NUP98: variants seen among roughly 807,000 people sequenced by gnomAD.
The protein encoded by NUP98 is nuclear pore complex protein Nup98-Nup96.
Under a neutral mutation model 191.9 loss-of-function variants are expected in NUP98, and 26 were observed. The observed-to-expected ratio is 0.14, with a 90% CI of 0.10 to 0.19. NUP98 has a LOEUF of 0.19. Among genes scored for constraint, NUP98 ranks in the 10% least tolerant of loss-of-function variants. The pLI is 1.00. For missense variants in NUP98, 1,941 were observed against 2,178.8 expected, an observed-to-expected ratio of 0.89 and a Z score of 2.17; for synonymous variants, 808 against 778.4, an observed-to-expected ratio of 1.04 and a Z score of -0.63.
rs751865593 is a variant in NUP98 at position 3,679,661 on chromosome 11, C to T, written c.4966G>A (p.Asp1656Asn). The T allele has an allele frequency of 6.2e-7, 1 of 1,614,158 alleles. No homozygotes were observed. The highest frequency in any genetic ancestry group is 8.5e-7 in the Non-Finnish European group (1 of 1,180,006). ...NYDYLKGFLE[D>N]LAPPERSSLI... ...CTGCTGCGCTCTGGAGGTGCCAGGT[C>T]TTCCAAGAACCCCTTCAGGTAGTCA... The change falls in exon 31 of 33, where the codon GAC becomes AAC. Residue 1656 changes from aspartate to asparagine, a missense_variant. Asp to Asn is a conservative substitution (Grantham distance 23, BLOSUM62 1). Coordinates refer to ENST00000324932, the MANE Select transcript of NUP98 (RefSeq NM_016320.5).
chr11:3,737,828 C>T (rs946138960), intron 12 of NUP98, among the ~76,000 whole-genome samples: 11 of 151,842 alleles, frequency 7.2e-5, no homozygotes, highest in Non-Finnish European at 1.5e-4. Flanking sequence ...AGTAAATCAT[C>T]TGTATTCAGA....
chr11:3,758,597 C>G (rs1431434170), intron 10 of NUP98, among the ~76,000 whole-genome samples: 1 of 152,078 alleles, frequency 6.6e-6, no homozygotes, highest in Non-Finnish European at 1.5e-5. Context: ...CCAGCCTCGC[C>G]AACACGGTGA....
At position 3,679,689 on chromosome 11, in the gene NUP98, G is replaced by T. The variant is rs1460591546; in HGVS notation, c.4938C>A (p.Asn1646Lys). Residue 1646 changes from asparagine to lysine, a missense_variant, in exon 31 of 33, where the codon AAC becomes AAA. By Grantham distance (94) the Asn-to-Lys change is moderately conservative. This residue lies in a region of NUP98 where 1,030 missense variants were observed against 1,115.8 expected (regional missense o/e 0.92). Transcript: ENST00000324932. ...CCAAGAACCCCTTCAGGTAGTCATA[G>T]TTCTCATTAATGATGGCATCTGAAG... ...HLASDAIINE[N>K]YDYLKGFLED... 1 of 1,613,892 alleles carries T rather than the reference G, an allele frequency of 6.2e-7. No homozygotes were observed. Among genetic ancestry groups the T allele is most frequent in the Non-Finnish European group, 8.5e-7 (1 of 1,179,914 alleles).
intron 12 of NUP98, among the ~76,000 whole-genome samples, chr11:3,740,637 A>T (rs2134347953): frequency 6.6e-6 from 1 of 152,158 alleles, no homozygotes; most frequent in Non-Finnish European, 1.5e-5. Flanking sequence ...AAAAAGGAGA[A>T]GGGCAACTAC....
chr11:3,679,884 A>G, intron 30 of NUP98, 176 bp from the exon 31 acceptor site: 1 of 645,018 alleles, frequency 1.6e-6, no homozygotes, highest in Non-Finnish European at 2.6e-6. Flanking sequence ...GACCACCACA[A>G]TAAAGCAGGT....
At chr11:3,770,098 G>A (rs950566233) in intron 7 of NUP98, among the ~76,000 whole-genome samples, 9 of 149,664 alleles carry the variant, frequency 6.0e-5, no homozygotes, top group African/African-American at 1.7e-4. Flanking sequence ...TAATCCCAGC[G>A]CTTTGGGAGG....
chr11:3,749,056 C>T (rs1228871512), intron 11 of NUP98, among the ~76,000 whole-genome samples: 2 of 151,958 alleles, frequency 1.3e-5, no homozygotes, highest in Non-Finnish European at 2.9e-5. Flanking sequence ...CGCCTGTAAT[C>T]CCAGCACTTT....
At chr11:3,767,332 T>C (rs1245390545) in intron 8 of NUP98, among the ~76,000 whole-genome samples, 2 of 151,896 alleles carry the variant, frequency 1.3e-5, no homozygotes, top group East Asian at 3.9e-4. Context: ...CATACTTTTT[T>C]TTTTATTTTT....
chr11:3,725,270 A>G (rs1589815208), intron 14 of NUP98, 51 bp from the exon 15 acceptor site: 2 of 822,602 alleles, frequency 2.4e-6, no homozygotes, highest in East Asian at 2.4e-5. Flanking sequence ...AGGCATACAG[A>G]TATGTCCCAG....
chr11:3,684,230 AAAC>A (rs1360349848), intron 29 of NUP98, among the ~76,000 whole-genome samples: 1 of 151,850 alleles, frequency 6.6e-6, no homozygotes, highest in African/African-American at 2.4e-5. Flanking sequence ...AAACAAAACA[AAAC>A]AAACACATAG....
intron 2 of NUP98, among the ~76,000 whole-genome samples, chr11:3,781,791 G>T (rs1052543076): frequency 6.6e-6 from 1 of 151,986 alleles, no homozygotes; most frequent in African/African-American, 2.4e-5. Context: ...ATAACTTTCT[G>T]TCAACCAAAA....
At chr11:3,707,731 T>G (rs1379742099) in intron 20 of NUP98, among the ~76,000 whole-genome samples, 1 of 5,634 alleles carries the variant, frequency 1.8e-4, no homozygotes, top group Non-Finnish European at 2.9e-4. Context: ...AGAATGAGAC[T>G]CTGTCTCAAA....
In NUP98 at chr11:3,731,376, C is replaced by A. The variant is rs769589170; in HGVS notation, c.1730+15G>T. ...GTATTTTACACTTAATTTCTGTTAACAAAAATAAACTCACTTGGGCATGAA... is the reference window on the plus strand; with the variant it reads ...GTATTTTACACTTAATTTCTGTTAAAAAAAATAAACTCACTTGGGCATGAA... On this transcript the variant is annotated intron_variant, in intron 14 of 32. Transcript: ENST00000324932. 1 of 1,489,452 alleles carries A rather than the reference C, an allele frequency of 6.7e-7. No homozygotes were observed. Among genetic ancestry groups the A allele is most frequent in the Non-Finnish European group, 9.0e-7 (1 of 1,114,064 alleles). The allele number at this position is 1,489,452 out of a possible 1,614,324, so 92.3% of individuals were successfully genotyped here.
In NUP98 at chr11:3,675,863, T is replaced by TGG. The variant is rs1163282344; in HGVS notation, c.*294_*295dup. 4.4e-6 allele frequency: 2 copies of TGG among 450,824 alleles called. No homozygotes were observed. Among genetic ancestry groups the TGG allele is most frequent in the East Asian group, 7.9e-5 (2 of 25,468 alleles). The allele number at this position is 450,824 out of a possible 1,614,324, so 27.9% of individuals were successfully genotyped here. The stretch of plus-strand genomic sequence containing the variant: ...GGCTAGGGATGGAAAAAGAATACCC[T>TGG]GGTTCTTTGGGGGATTCTGCCAAAG... On this transcript the variant is annotated 3_prime_UTR_variant, in exon 33 of 33. Transcript: ENST00000324932.
At chr11:3,792,635 A>G (rs1564940897) in intron 1 of NUP98, among the ~76,000 whole-genome samples, 1 of 150,740 alleles carries the variant, frequency 6.6e-6, no homozygotes, top group Non-Finnish European at 1.5e-5. Context: ...AAACAAACAA[A>G]AAAACAACAA....
intron 1 of NUP98, among the ~76,000 whole-genome samples, chr11:3,790,892 A>T: frequency 7.1e-6 from 1 of 140,414 alleles, no homozygotes; most frequent in Admixed American, 6.7e-5. Flanking sequence ...ATGGAACACC[A>T]TTTTAATTTT....
rs562946538 is a variant in NUP98 at position 3,757,105 on chromosome 11, A to C, written c.1174+3434T>G. Reference sequence around the variant, plus strand: ...TCCATCTCAAAAAAAAAATATATATATATATCTATATATCTATATCTATAT... The same window carrying C: ...TCCATCTCAAAAAAAAAATATATATCTATATCTATATATCTATATCTATAT... On this transcript the variant is annotated intron_variant, in intron 10 of 32. Transcript: ENST00000324932. 4.6e-3 allele frequency among the ~76,000 whole-genome samples: 614 copies of C among 134,916 alleles called. 3 individuals carry two copies. Among genetic ancestry groups the C allele is most frequent in the African/African-American group, 0.017 (573 of 33,842 alleles). 88.5% of individuals were successfully genotyped at this position (134,916 alleles called of 152,430 possible). A position where few individuals can be genotyped will look rare whatever the true frequency, so the allele number is the denominator to read the frequency against.
chr11:3,793,511 C>T (rs1281286954), intron 1 of NUP98, among the ~76,000 whole-genome samples: 1 of 152,010 alleles, frequency 6.6e-6, no homozygotes, highest in Admixed American at 6.6e-5. Flanking sequence ...TGGTCTCAAA[C>T]TCCTAACCTT....
intron 14 of NUP98, among the ~76,000 whole-genome samples, chr11:3,730,661 G>A (rs942652569): frequency 9.2e-5 from 14 of 152,048 alleles, no homozygotes. Flanking sequence ...ACCATGCCCG[G>A]CCGGATTACT....
Sources: allele counts gnomAD v4.1 joint callset (sites outside exome capture counted in the v4.1 genomes callset), GRCh38; gene constraint gnomAD v4.1.1; regional missense constraint gnomAD v4.1.1; transcripts MANE v1.5; gene names NCBI Gene and HGNC (gene_info 2026-07-23, HGNC 2026-07-21).